The following DNAH2 variants were observed in gnomAD, a reference collection of about 807,000 sequenced individuals.
DNAH2 encodes dynein axonemal heavy chain 2.
A neutral mutation model predicts 523.5 loss-of-function variants in DNAH2; 323 were observed. That is an observed-to-expected ratio of 0.62 (90% CI 0.56 to 0.68). The LOEUF is 0.68. Ranked by LOEUF, DNAH2 falls within the 30% of genes least tolerant of loss-of-function variation. DNAH2 has a pLI of 0.00. For synonymous variants in DNAH2, 2,093 were observed against 2,177.4 expected, an observed-to-expected ratio of 0.96 and a Z score of 1.08; for missense variants, 4,907 against 5,701.5, an observed-to-expected ratio of 0.86 and a Z score of 4.49.
chr17:7,791,722 A>T (rs2076902570), intron 44 of DNAH2, among the ~76,000 whole-genome samples, 195 bp from the exon 45 acceptor site: 1 of 152,178 alleles, frequency 6.6e-6, no homozygotes. Context: ...CTGCTGAGCT[A>T]TAAGAAATTT....
chr17:7,735,412 G>A (rs779253965), intron 7 of DNAH2, among the ~76,000 whole-genome samples: 116 of 152,116 alleles, frequency 7.6e-4, no homozygotes, highest in Non-Finnish European at 1.3e-3. Context: ...TTATAGGCGT[G>A]AGCCACCGCA....
chr17:7,761,907 GAAA>G (rs201158634), intron 18 of DNAH2, among the ~76,000 whole-genome samples: 1 of 128,772 alleles, frequency 7.8e-6, no homozygotes, highest in African/African-American at 2.9e-5. Context: ...GAGGAGTTAA[GAAA>G]AAAAAAAAAA....
chr17:7,792,006 T>A lies in DNAH2; in HGVS notation c.6990T>A (p.Asp2330Glu). Reference sequence around the variant, plus strand: ...TCTGGTCTGTGTGTGCCTCTGTGGATGAGGAGGGCCGGAAGAGGATCGACA... The same window carrying A: ...TCTGGTCTGTGTGTGCCTCTGTGGAAGAGGAGGGCCGGAAGAGGATCGACA... ...SMIWSVCASV[D>E]EEGRKRIDSY... The change falls in exon 45 of 86, where the codon GAT (aspartate) becomes GAA (glutamate). Residue 2330 changes from aspartate (D) to glutamate (E), a missense_variant. Physicochemically the swap from Asp to Glu is conservative, Grantham distance 45. Around this residue, in one of 3 missense-constraint regions of DNAH2, gnomAD observed 2,806 missense variants for 3,190.8 expected, o/e 0.88. Coordinates refer to ENST00000572933, the MANE Select transcript of DNAH2 (RefSeq NM_020877.5). 1 of 1,613,992 alleles carries A rather than the reference T, an allele frequency of 6.2e-7. No individual in the cohort carries two copies. Among genetic ancestry groups the A allele is most frequent in the Non-Finnish European group, 8.5e-7 (1 of 1,179,996 alleles).
chr17:7,749,487 C>T (rs958856752), intron 12 of DNAH2, among the ~76,000 whole-genome samples: 3 of 151,928 alleles, frequency 2.0e-5, no homozygotes, highest in Non-Finnish European at 4.4e-5. Flanking sequence ...GTTTGAAGGA[C>T]ATGATAATAC....
chr17:7,739,481 C>T (rs375454962), intron 8 of DNAH2, among the ~76,000 whole-genome samples: 28 of 152,210 alleles, frequency 1.8e-4, no homozygotes, highest in Non-Finnish European at 3.1e-4. Flanking sequence ...ACTACCACAC[C>T]GCTTTTTCTG....
At chr17:7,804,821 G>C in intron 59 of DNAH2, 137 bp from the exon 60 acceptor site, 1 of 725,970 alleles carries the variant, frequency 1.4e-6, no homozygotes, top group South Asian at 1.9e-5. Context: ...ACTCCAGCCT[G>C]GGCGAAAGAG....
At chr17:7,757,589 C>G (rs1044080008) in intron 13 of DNAH2, among the ~76,000 whole-genome samples, 3 of 152,204 alleles carry the variant, frequency 2.0e-5, no homozygotes. Context: ...TAAGGCCCTG[C>G]TGCCCCCATC....
At chr17:7,733,437 G>A (rs772642172) in intron 5 of DNAH2, 122 bp downstream of exon 5, 30 of 819,538 alleles carry the variant, frequency 3.7e-5, no homozygotes, top group Non-Finnish European at 5.3e-5. Context: ...CATGCTTATC[G>A]AATTGGTAGA....
intron 77 of DNAH2, among the ~76,000 whole-genome samples, chr17:7,826,630 C>A (rs1462078878): frequency 6.7e-6 from 1 of 150,188 alleles, no homozygotes; most frequent in Non-Finnish European, 1.5e-5. Flanking sequence ...ACATCCGCCT[C>A]CCAGATTCAA....
At chr17:7,738,781 T>G in intron 8 of DNAH2, 1 of 561,938 alleles carries the variant, frequency 1.8e-6, no homozygotes, top group Non-Finnish European at 3.2e-6. Context: ...CTTCTCACCT[T>G]GAGTCTTGTC....
At chr17:7,793,982 G>A (rs1177430802) in intron 48 of DNAH2, among the ~76,000 whole-genome samples, 3 of 152,176 alleles carry the variant, frequency 2.0e-5, no homozygotes, top group African/African-American at 4.8e-5. Context: ...TTACTTACCT[G>A]TATTTTCTCA....
rs140101471 is a variant in DNAH2, at chr17:7,739,318, A to G, written c.1171-415A>G. The stretch of plus-strand genomic sequence containing the variant: ...CTGCTTGGGAGGCTGAGGCAGGAGA[A>G]TCTCTTGAACCCGGGAAGCGGAGGT... On this transcript the variant is annotated intron_variant, in intron 8 of 85. Coordinates refer to ENST00000572933, the MANE Select transcript of DNAH2 (RefSeq NM_020877.5). Among the ~76,000 whole-genome samples, 22 of 152,284 alleles carry G rather than the reference A, an allele frequency of 1.4e-4. No homozygotes were observed. The East Asian group carries it at 4.2e-3, about 29-fold the overall frequency.
intron 4 of DNAH2, among the ~76,000 whole-genome samples, chr17:7,729,372 C>A (rs1257580016): frequency 2.0e-5 from 3 of 150,304 alleles, no homozygotes; most frequent in African/African-American, 7.4e-5. Flanking sequence ...ATAGCAAGAC[C>A]GCCATCTCCA....
chr17:7,807,072 G>C lies in DNAH2; in HGVS notation c.9443-78G>C, dbSNP rs1481968729. 2.2e-5 allele frequency: 34 copies of C among 1,526,690 alleles called. No individual in the cohort carries two copies. The highest frequency in any genetic ancestry group is 2.8e-5 in the Non-Finnish European group (32 of 1,134,378). The allele number at this position is 1,526,690 out of a possible 1,614,324, so 94.6% of individuals were successfully genotyped here. The stretch of plus-strand genomic sequence containing the variant: ...GCCCAGGAAAAATGTGGCTATGCGT[G>C]AGTAGTGGAGGTGAAACTGCTGGAC... On this transcript the variant is annotated intron_variant, in intron 61 of 85. Coordinates refer to ENST00000572933, the MANE Select transcript of DNAH2 (RefSeq NM_020877.5). This position sits in a 1 kb window ranked among gnomAD's most constrained non-coding sequence, Gnocchi z 5.6.
rs1457973296 is a variant in DNAH2, at chr17:7,831,753, A to T, written c.12704A>T (p.His4235Leu). The T allele has an allele frequency of 1.9e-6, 3 of 1,613,858 alleles. No homozygotes were observed. Among genetic ancestry groups the T allele is most frequent in the Non-Finnish European group, 2.5e-6 (3 of 1,179,938 alleles). ...EEIFNCIFDA[H>L]VPPLWGKAYP... ...ATTTTCAATTGCATCTTTGATGCCC[A>T]TGTTCCTCCGCTCTGGGGAAAGGCA... Residue 4235 changes from histidine (H) to leucine (L), a missense_variant, in exon 82 of 86, where the codon CAT becomes CTT. Physicochemically the swap from His to Leu is moderately conservative, Grantham distance 99 (BLOSUM62 -3). Coordinates refer to ENST00000572933, the MANE Select transcript of DNAH2 (RefSeq NM_020877.5). This position sits in a 1 kb window ranked among gnomAD's most constrained non-coding sequence, Gnocchi z 4.2.
chr17:7,812,129 T>C (rs913196348), intron 63 of DNAH2, among the ~76,000 whole-genome samples: 4 of 152,194 alleles, frequency 2.6e-5, no homozygotes, highest in Non-Finnish European at 4.4e-5. Flanking sequence ...ATGTCAGTTA[T>C]CTGGAACCAT....
intron 49 of DNAH2, 28 bp downstream of exon 49, chr17:7,794,386 G>T (rs759324538): frequency 1.3e-6 from 2 of 1,581,944 alleles, no homozygotes; most frequent in Non-Finnish European, 1.7e-6. Context: ...GCTGCAGGAC[G>T]AGGGGAGGGT....
chr17:7,826,761 AC>A (rs2078033282), intron 77 of DNAH2, among the ~76,000 whole-genome samples: 1 of 150,546 alleles, frequency 6.6e-6, no homozygotes, highest in East Asian at 2.0e-4. Flanking sequence ...CTGGTCTTGA[AC>A]TCCTGACCTC....
At chr17:7,774,633 C>A in intron 28 of DNAH2, 126 bp from the exon 29 acceptor site, 1 of 767,698 alleles carries the variant, frequency 1.3e-6, no homozygotes, top group Non-Finnish European at 2.1e-6. Context: ...TCTCTGCGTC[C>A]AGAAACCCTC....
Sources: gnomAD v4.1 joint callset for allele counts (sites outside exome capture counted in the v4.1 genomes callset) on GRCh38, gnomAD v4.1.1 for gene constraint, gnomAD v4.1.1 regional missense constraint, Gnocchi (gnomAD v3.1) non-coding constraint, MANE v1.5 for transcripts, NCBI Gene and HGNC (gene_info 2026-07-23, HGNC 2026-07-21) for gene names.